Variants in NXN observed in about 807,000 individuals in gnomAD.
The protein encoded by NXN is nucleoredoxin 1.
NXN carries 16 observed loss-of-function variants against 48.6 expected under a neutral mutation model. The observed-to-expected ratio is 0.33, with a 90% confidence interval of 0.22 to 0.50. The LOEUF is 0.50. Among genes scored for constraint, NXN ranks in the 20% least tolerant of loss-of-function variants. The pLI is 0.98. For missense variants in NXN, 492 were observed against 605.5 expected, an observed-to-expected ratio of 0.81 and a Z score of 1.97; for synonymous variants, 281 against 269.6, an observed-to-expected ratio of 1.04 and a Z score of -0.41.
intron 1 of NXN, among the ~76,000 whole-genome samples, chr17:882,135 A>C (rs1189084785): frequency 6.6e-6 from 1 of 152,198 alleles, no homozygotes; most frequent in Non-Finnish European, 1.5e-5. Flanking sequence ...GAAGGAGAAA[A>C]AAATAATTTG....
chr17:915,834 G>A lies in NXN; in HGVS notation c.360+63485C>T, dbSNP rs184367675. Among the ~76,000 whole-genome samples, 750 of 151,368 alleles carry A rather than the reference G, an allele frequency of 5.0e-3. 8 individuals are homozygous for A. The highest frequency in any genetic ancestry group is 4.4e-3 in the Non-Finnish European group (301 of 67,954). ...GGCGGCCACTTATGGTGTCAGAGCC[G>A]AAACTTCCCCTAAAATGGGCGGCCA... On this transcript the variant is annotated intron_variant, in intron 1 of 7. Transcript: ENST00000336868.
At chr17:806,568 T>TC (rs1021655189) in intron 5 of NXN, among the ~76,000 whole-genome samples, 166 of 151,664 alleles carry the variant, frequency 1.1e-3, no homozygotes, top group African/African-American at 3.8e-3. Flanking sequence ...TGGCAGCCGC[T>TC]CCCCCCACAC....
intron 1 of NXN, among the ~76,000 whole-genome samples, chr17:967,376 G>A (rs2069319117): frequency 6.6e-6 from 1 of 152,244 alleles, no homozygotes; most frequent in Non-Finnish European, 1.5e-5. Flanking sequence ...GACAGGCGGG[G>A]CGGGGAGATG....
intron 5 of NXN, among the ~76,000 whole-genome samples, chr17:812,198 A>G (rs1160395892): frequency 2.0e-5 from 3 of 152,016 alleles, no homozygotes; most frequent in Non-Finnish European, 4.4e-5. Flanking sequence ...AAGTGCTGGG[A>G]TTACAGGCGT....
intron 1 of NXN, among the ~76,000 whole-genome samples, chr17:881,549 G>A (rs548806154): frequency 2.6e-5 from 4 of 152,226 alleles, no homozygotes; most frequent in East Asian, 1.9e-4. Flanking sequence ...TTGAAGAACC[G>A]TTTGGTCCAT....
intron 1 of NXN, among the ~76,000 whole-genome samples, chr17:903,910 C>A (rs1050454578): frequency 3.9e-5 from 6 of 152,162 alleles, no homozygotes; most frequent in Non-Finnish European, 7.3e-5. Context: ...CCTCACCCCC[C>A]ACGGGCAGAT....
chr17:825,273 G>GT lies in NXN; in HGVS notation c.478+687dup, dbSNP rs888892466. Among the ~76,000 whole-genome samples, 2 of 151,890 alleles carry GT rather than the reference G, an allele frequency of 1.3e-5. No homozygotes were observed. Among genetic ancestry groups the GT allele is most frequent in the Non-Finnish European group, 2.9e-5 (2 of 68,002 alleles). ...TCACGCTTGGTTCCACCATGCCGTGGTTTTTACTGAGGACAATTCTTTGAA... is the reference window on the plus strand; with the variant it reads ...TCACGCTTGGTTCCACCATGCCGTGGTTTTTTACTGAGGACAATTCTTTGAA... On this transcript the variant is annotated intron_variant, in intron 2 of 7. Transcript: ENST00000336868. The surrounding 1 kb of genome is among the most constrained non-coding windows in gnomAD (Gnocchi z 4.1).
In NXN at chr17:800,488, C is replaced by T. The variant is rs1911142377; in HGVS notation, c.*461G>A. The T allele has an allele frequency of 6.5e-6, 1 of 153,374 alleles. No individual in the cohort carries two copies. Among genetic ancestry groups the T allele is most frequent in the Admixed American group, 6.5e-5 (1 of 15,308 alleles). 9.5% of individuals were successfully genotyped at this position (153,374 alleles called of 1,614,324 possible). On this transcript the variant is annotated 3_prime_UTR_variant, in exon 8 of 8. Coordinates refer to ENST00000336868, the MANE Select transcript of NXN (RefSeq NM_022463.5). The stretch of plus-strand genomic sequence containing the variant: ...TGTGTTGCTTAGAAAAGGACGTCCT[C>T]ACCCGCAGCTCTAAGCGGAGGCCCT...
chr17:923,290 C>T (rs564924308), intron 1 of NXN, among the ~76,000 whole-genome samples: 12 of 152,222 alleles, frequency 7.9e-5, no homozygotes, highest in South Asian at 2.1e-4. Flanking sequence ...TCCAGTGTTT[C>T]GCACAGAAAA....
intron 1 of NXN, among the ~76,000 whole-genome samples, chr17:976,438 G>T (rs763601298): frequency 6.6e-6 from 1 of 152,090 alleles, no homozygotes; most frequent in Non-Finnish European, 1.5e-5. Flanking sequence ...AGAAGTATAC[G>T]CATGGGCTTA....
At chr17:897,208 G>A (rs1483761813) in intron 1 of NXN, among the ~76,000 whole-genome samples, 2 of 152,202 alleles carry the variant, frequency 1.3e-5, no homozygotes, top group Admixed American at 6.5e-5. Flanking sequence ...TCTGTCCTGG[G>A]AAAGGGAGGC....
intron 1 of NXN, among the ~76,000 whole-genome samples, chr17:837,739 G>C (rs1913907305): frequency 6.6e-6 from 1 of 152,222 alleles, no homozygotes; most frequent in Admixed American, 6.5e-5. Flanking sequence ...GCCTTCGCCT[G>C]GAGCTGAAGC....
intron 1 of NXN, among the ~76,000 whole-genome samples, chr17:946,174 T>A (rs11867296): frequency 6.7e-6 from 1 of 150,284 alleles, no homozygotes; most frequent in Non-Finnish European, 1.5e-5. Flanking sequence ...CTCGCTCTGT[T>A]GCCCAGGCTG....
In NXN at chr17:932,273, T is replaced by C. The variant is rs1179922020; in HGVS notation, c.360+47046A>G. 6.6e-6 allele frequency among the ~76,000 whole-genome samples: 1 copy of C among 152,236 alleles called. No individual in the cohort carries two copies. Among genetic ancestry groups the C allele is most frequent in the African/African-American group, 2.4e-5 (1 of 41,452 alleles). On this transcript the variant is annotated intron_variant, in intron 1 of 7. Coordinates refer to ENST00000336868, the MANE Select transcript of NXN (RefSeq NM_022463.5). This position sits in a 1 kb window ranked among gnomAD's most constrained non-coding sequence, Gnocchi z 4.1. ...CTACCAACCCAAACCGGCCTTGTTT[T>C]GGTCCTAGGCGGCGGTTCTTAAACT...
At chr17:860,051 C>T (rs927415215) in intron 1 of NXN, among the ~76,000 whole-genome samples, 9 of 152,156 alleles carry the variant, frequency 5.9e-5, no homozygotes, top group African/African-American at 1.7e-4. Context: ...GGAAAACGCT[C>T]ACTCCCGGCA....
intron 1 of NXN, among the ~76,000 whole-genome samples, chr17:927,088 C>T (rs931164697): frequency 9.9e-5 from 15 of 151,470 alleles, no homozygotes; most frequent in Admixed American, 7.9e-4. Flanking sequence ...CCGAGGTGGG[C>T]GGATCACGAG....
intron 1 of NXN, among the ~76,000 whole-genome samples, chr17:861,681 C>G (rs1472090297): frequency 6.6e-6 from 1 of 151,846 alleles, no homozygotes; most frequent in African/African-American, 2.4e-5. Context: ...GACTCAAGAG[C>G]CATCTTGAAA....
intron 1 of NXN, among the ~76,000 whole-genome samples, chr17:857,641 G>C (rs1024496565): frequency 7.2e-5 from 11 of 152,262 alleles, no homozygotes; most frequent in African/African-American, 2.2e-4. Flanking sequence ...CAGTTTTCAA[G>C]AATATTCTAA....
At chr17:891,110 A>C (rs2068412482) in intron 1 of NXN, among the ~76,000 whole-genome samples, 1 of 151,540 alleles carries the variant, frequency 6.6e-6, no homozygotes. Context: ...CGTCCATCTC[A>C]CTCTGTTGCC....
Sources: allele counts gnomAD v4.1 joint callset (sites outside exome capture counted in the v4.1 genomes callset), GRCh38; gene constraint gnomAD v4.1.1; non-coding constraint Gnocchi (gnomAD v3.1); transcripts MANE v1.5; gene names NCBI Gene and HGNC (gene_info 2026-07-23, HGNC 2026-07-21).